The following RRP12 variants were observed in gnomAD, a reference collection of about 807,000 sequenced individuals.
The protein encoded by RRP12 is ribosomal RNA processing 12 homolog.
Under a neutral mutation model 157.3 loss-of-function variants are expected in RRP12, and 78 were observed. The observed-to-expected ratio is 0.50, with a 90% CI of 0.41 to 0.60. RRP12 has a LOEUF of 0.60. Among genes scored for constraint, RRP12 ranks in the 20% least tolerant of loss-of-function variants. The pLI is 0.00. For missense variants in RRP12, 1,521 were observed against 1,679.9 expected (o/e 0.91, Z 1.65); for synonymous variants, 726 against 670.9 (o/e 1.08, Z -1.27).
At chr10:97,388,031 C>A in intron 8 of RRP12, 1 of 555,756 alleles carries the variant, frequency 1.8e-6, no homozygotes, top group Non-Finnish European at 3.2e-6. Context: ...CAGATCCACC[C>A]TGACTCTGAC....
In RRP12 at chr10:97,386,002, G is replaced by A. The variant is rs576689203; in HGVS notation, c.1018-9C>T. ...GCACAGGCTGTCACCAGCTGGAGGG[G>A]GACACACAGGCTTAGAAAGGAACTA... On this transcript the variant is annotated splice_polypyrimidine_tract_variant and intron_variant, in intron 8 of 33. Coordinates refer to ENST00000370992, the MANE Select transcript of RRP12 (RefSeq NM_015179.4). 2 of 1,565,242 alleles carry A rather than the reference G, an allele frequency of 1.3e-6. No individual in the cohort carries two copies. The highest frequency in any genetic ancestry group is 1.7e-6 in the Non-Finnish European group (2 of 1,148,946).
At chr10:97,364,311 C>T (rs1452718114) in intron 29 of RRP12, among the ~76,000 whole-genome samples, 1 of 152,178 alleles carries the variant, frequency 6.6e-6, no homozygotes, top group Admixed American at 6.5e-5. Context: ...TGTTTGAAAT[C>T]TCTGCCCCAT....
Position 97,388,400 on chromosome 10 carries a change from T to G in RRP12, c.890-21A>C, listed in dbSNP as rs780723586. The stretch of plus-strand genomic sequence containing the variant: ...GGAGCCTGGTATACAGAAGAGGAAT[T>G]GAGACACCAGCCCCGCCCTACCGCA... On this transcript the variant is annotated intron_variant, in intron 7 of 33. Coordinates refer to ENST00000370992, the MANE Select transcript of RRP12 (RefSeq NM_015179.4). The G allele has an allele frequency of 3.7e-6, 6 of 1,613,300 alleles. No homozygotes were observed. The Admixed American group carries it at 5.0e-5, about 13-fold the overall frequency.
At chr10:97,398,353 CT>C (rs58136206) in intron 2 of RRP12, among the ~76,000 whole-genome samples, 1,356 of 57,512 alleles carry the variant, frequency 0.024, 128 homozygotes, top group African/African-American at 0.091. Flanking sequence ...CGCGCCCGGC[CT>C]TTTTTTTTTT....
intron 15 of RRP12, among the ~76,000 whole-genome samples, 190 bp from the exon 16 acceptor site, chr10:97,374,084 G>A (rs1176384851): frequency 2.6e-5 from 4 of 152,064 alleles, no homozygotes; most frequent in Non-Finnish European, 5.9e-5. Flanking sequence ...GAAAGCAAAC[G>A]TCTCTCCATA....
At chr10:97,370,322 AG>A (rs139369832) in intron 23 of RRP12, 48 bp from the exon 24 acceptor site, 4 of 1,435,196 alleles carry the variant, frequency 2.8e-6, no homozygotes, top group Non-Finnish European at 1.9e-6. Context: ...CCCACCAGGT[AG>A]GGGGGCTGAG....
chr10:97,370,733 T>C lies in RRP12; in HGVS notation c.2566A>G (p.Thr856Ala), dbSNP rs760003086. The C allele has an allele frequency of 1.9e-6, 3 of 1,613,950 alleles. No homozygotes were observed. The highest frequency in any genetic ancestry group is 4.5e-5 in the East Asian group (2 of 44,886). ...ACACTCACCTCTGGGATGAGGGCAG[T>C]GATGAACTCCTTGTGTTCAGCTGAG... ...KLSAEHKEFI[T>A]ALIPEVILCT... The change falls in exon 22 of 34, where the codon ACT becomes GCT. Residue 856 changes from threonine to alanine, a missense_variant. Coordinates refer to ENST00000370992, the MANE Select transcript of RRP12 (RefSeq NM_015179.4).
intron 15 of RRP12, among the ~76,000 whole-genome samples, chr10:97,378,565 A>G (rs528254730): frequency 2.6e-5 from 4 of 152,314 alleles, no homozygotes; most frequent in Admixed American, 2.6e-4. Flanking sequence ...TCATATATAT[A>G]AATACACCTG....
At chr10:97,380,982 C>T (rs41284272) in intron 12 of RRP12, 69 bp from the exon 13 acceptor site, 41 of 1,260,286 alleles carry the variant, frequency 3.3e-5, no homozygotes, top group Non-Finnish European at 3.9e-5. Flanking sequence ...AGAAAGTCAA[C>T]GGCCAGCACC....
chr10:97,357,509 C>A (rs1843741398), intron 33 of RRP12, among the ~76,000 whole-genome samples: 1 of 152,182 alleles, frequency 6.6e-6, no homozygotes, highest in Non-Finnish European at 1.5e-5. Flanking sequence ...TAACTTACAA[C>A]CCGCAGAAGC....
intron 29 of RRP12, 54 bp downstream of exon 29, chr10:97,366,054 C>T (rs1179021020): frequency 6.3e-7 from 1 of 1,598,930 alleles, no homozygotes; most frequent in Non-Finnish European, 8.5e-7. Context: ...AGCAAGTGAT[C>T]ACCGAAGGAA....
rs758736893 is a variant in RRP12 at position 97,363,902 on chromosome 10, G to T, written c.3519C>A (p.Gly1173=). 6.2e-7 allele frequency: 1 copy of T among 1,613,744 alleles called. No homozygotes were observed. The highest frequency in any genetic ancestry group is 8.5e-7 in the Non-Finnish European group (1 of 1,179,756). Residue 1173 remains glycine (G), a splice_region_variant and synonymous_variant, in exon 30 of 34, where the codon GGC becomes GGA. Transcript: ENST00000370992. ...NKMEEEEGAK[G]EDEEMADPME... is the part of the protein sequence containing the mutation. The stretch of plus-strand genomic sequence containing the variant: ...TTGGGTCAGCCATCTCTTCATCTTC[G>T]CCTGGAGCCAAAAAAGAGAGGCCCA...
In RRP12 at chr10:97,370,390, T is replaced by C. The variant is rs1844109964; in HGVS notation, c.2689+65A>G. 4.3e-6 allele frequency: 6 copies of C among 1,390,056 alleles called. No homozygotes were observed. In the East Asian group the frequency reaches 1.4e-4, roughly 32 times the overall value. 86.1% of individuals were successfully genotyped at this position (1,390,056 alleles called of 1,614,324 possible). On this transcript the variant is annotated intron_variant, in intron 23 of 33. Coordinates refer to ENST00000370992, the MANE Select transcript of RRP12 (RefSeq NM_015179.4). ...GGCACAGAGCTCTCCCCACCTTTTT[T>C]GAGGGGTGCTTCCCCCCACCCAGTC...
At chr10:97,360,034 A>C (rs1052651895) in intron 31 of RRP12, among the ~76,000 whole-genome samples, 1 of 152,214 alleles carries the variant, frequency 6.6e-6, no homozygotes, top group Non-Finnish European at 1.5e-5. Context: ...GGAAGGAAGC[A>C]GAGGTGAAGC....
chr10:97,366,712 C>A, intron 27 of RRP12, 30 bp downstream of exon 27: 1 of 1,604,766 alleles, frequency 6.2e-7, no homozygotes. Flanking sequence ...TGGGGGGACA[C>A]CGGGTCCCAT....
intron 24 of RRP12, among the ~76,000 whole-genome samples, chr10:97,369,858 G>A (rs1844093108): frequency 6.6e-6 from 1 of 152,342 alleles, no homozygotes; most frequent in African/African-American, 2.4e-5. Flanking sequence ...TTGCCAAGAG[G>A]CAGGACTAGG....
chr10:97,401,359 G>A, upstream of RRP12: 1 of 1,216,070 alleles, frequency 8.2e-7, no homozygotes, highest in South Asian at 1.4e-5. Flanking sequence ...TTCCGGATTC[G>A]TGTGCATTAC....
chr10:97,372,233 T>C, intron 19 of RRP12, 67 bp from the exon 20 acceptor site: 2 of 1,238,262 alleles, frequency 1.6e-6, no homozygotes, highest in Non-Finnish European at 1.2e-6. Flanking sequence ...ACCAGTGTTC[T>C]TACGTCTACT....
intron 15 of RRP12, among the ~76,000 whole-genome samples, chr10:97,376,202 CT>C: frequency 7.1e-6 from 1 of 139,902 alleles, no homozygotes; most frequent in Non-Finnish European, 1.5e-5. Flanking sequence ...GACTGAATGA[CT>C]TTTACTTTCT....
Sources: gnomAD v4.1 joint callset for allele counts (sites outside exome capture counted in the v4.1 genomes callset) on GRCh38, gnomAD v4.1.1 for gene constraint, MANE v1.5 for transcripts, NCBI Gene and HGNC (gene_info 2026-07-23, HGNC 2026-07-21) for gene names.